ITGA8: variants seen among roughly 807,000 people sequenced by gnomAD.
ITGA8 encodes the protein integrin subunit alpha 8, also known as integrin alpha-8.
In ITGA8, 91 loss-of-function variants were observed where a neutral mutation model predicts 142.3. The ratio of observed to expected loss-of-function variants is 0.64; its 90% CI spans 0.54 to 0.76. ITGA8 has a LOEUF of 0.76. Among genes scored for constraint, ITGA8 ranks in the 30% least tolerant of loss-of-function variants. ITGA8 has a pLI of 0.00. For missense variants in ITGA8, 1,406 were observed against 1,327.7 expected (o/e 1.06, Z -0.92); for synonymous variants, 505 against 485.2 (o/e 1.04, Z -0.54).
intron 8 of ITGA8, among the ~76,000 whole-genome samples, chr10:15,664,993 T>C (rs1468248626): frequency 1.3e-5 from 2 of 152,222 alleles, no homozygotes; most frequent in African/African-American, 4.8e-5. Context: ...CATGTGTCTT[T>C]ATAGCAGCAT....
intron 14 of ITGA8, among the ~76,000 whole-genome samples, chr10:15,614,843 C>T (rs990097761): frequency 2.6e-5 from 4 of 152,068 alleles, no homozygotes; most frequent in Non-Finnish European, 5.9e-5. Context: ...CTTTCAATAC[C>T]GTGTTAGTTC....
intron 28 of ITGA8, among the ~76,000 whole-genome samples, chr10:15,521,417 C>T (rs1347222612): frequency 6.6e-6 from 1 of 152,130 alleles, no homozygotes; most frequent in Non-Finnish European, 1.5e-5. Context: ...GATCCGCATC[C>T]CCCATGCAGC....
intron 2 of ITGA8, among the ~76,000 whole-genome samples, chr10:15,695,153 C>A (rs969476051): frequency 1.3e-5 from 2 of 152,052 alleles, no homozygotes; most frequent in African/African-American, 2.4e-5. Context: ...GTCAACTGGG[C>A]AATTTGGCAG....
At chr10:15,616,885 C>T (rs1212180340) in intron 13 of ITGA8, among the ~76,000 whole-genome samples, 1 of 152,184 alleles carries the variant, frequency 6.6e-6, no homozygotes, top group Non-Finnish European at 1.5e-5. Context: ...GGAAAGTCAG[C>T]TGCTTAGTGT....
At chr10:15,719,042 C>A in intron 1 of ITGA8, 143 bp from the exon 2 acceptor site, 1 of 1,283,640 alleles carries the variant, frequency 7.8e-7, no homozygotes, top group East Asian at 2.5e-5. Flanking sequence ...GACTGTCAAA[C>A]TTGATTTCCT....
intron 27 of ITGA8, among the ~76,000 whole-genome samples, chr10:15,538,723 G>C (rs889782313): frequency 2.6e-5 from 4 of 151,924 alleles, no homozygotes; most frequent in African/African-American, 9.7e-5. Context: ...TTTTTGTTCA[G>C]TCTAAAGAAG....
chr10:15,548,412 T>C (rs749503125), intron 27 of ITGA8, 43 bp downstream of exon 27: 13 of 1,334,038 alleles, frequency 9.7e-6, no homozygotes, highest in Non-Finnish European at 1.4e-5. Context: ...GTGAAGCAGC[T>C]CCCAGTGAGC....
intron 25 of ITGA8, among the ~76,000 whole-genome samples, chr10:15,570,967 T>C (rs1262527761): frequency 2.0e-5 from 3 of 152,222 alleles, no homozygotes; most frequent in African/African-American, 7.2e-5. Flanking sequence ...ATTTAAATGT[T>C]ATACATTTGC....
intron 27 of ITGA8, among the ~76,000 whole-genome samples, chr10:15,531,602 T>C (rs1382096154): frequency 2.6e-5 from 4 of 152,140 alleles, no homozygotes; most frequent in Non-Finnish European, 5.9e-5. Context: ...TCTTATCAGA[T>C]GGACGGAAAT....
chr10:15,641,398 T>G (rs1170333691), intron 13 of ITGA8, among the ~76,000 whole-genome samples: 2 of 152,200 alleles, frequency 1.3e-5, no homozygotes, highest in Non-Finnish European at 2.9e-5. Flanking sequence ...GCCTGCAGCT[T>G]TCAATCAACT....
At chr10:15,662,688 C>G (rs998884202) in intron 8 of ITGA8, among the ~76,000 whole-genome samples, 10 of 152,090 alleles carry the variant, frequency 6.6e-5, no homozygotes, top group African/African-American at 2.4e-4. Context: ...GATCCTTGAC[C>G]TAGGAACACA....
At position 15,672,863 on chromosome 10, in the gene ITGA8, G is replaced by A. The variant is rs1235510724; in HGVS notation, c.677-114C>T. The A allele has an allele frequency of 4.3e-6, 5 of 1,169,940 alleles. No homozygotes were observed. The African/African-American group carries it at 6.4e-5, about 15-fold the overall frequency. 72.5% of individuals were successfully genotyped at this position (1,169,940 alleles called of 1,614,324 possible). A position where few individuals can be genotyped will look rare whatever the true frequency, so the allele number is the denominator to read the frequency against. On this transcript the variant is annotated intron_variant, in intron 6 of 29. Transcript: ENST00000378076. Reference sequence around the variant, plus strand: ...TGGAATTGCTTGCTTTTTTGATGATGAATTTTCCCGCCTGCCGCTCAAACT... The same window carrying A: ...TGGAATTGCTTGCTTTTTTGATGATAAATTTTCCCGCCTGCCGCTCAAACT...
intron 20 of ITGA8, among the ~76,000 whole-genome samples, chr10:15,598,187 C>A (rs1833040448): frequency 6.6e-6 from 1 of 152,108 alleles, no homozygotes. Flanking sequence ...TTATCCATCA[C>A]CTTTGTTCCA....
intron 9 of ITGA8, among the ~76,000 whole-genome samples, chr10:15,659,257 G>A (rs1834242225): frequency 6.6e-6 from 1 of 151,944 alleles, no homozygotes; most frequent in South Asian, 2.1e-4. Flanking sequence ...GTTAAGTCTG[G>A]GATGCTTTCA....
intron 22 of ITGA8, among the ~76,000 whole-genome samples, chr10:15,587,571 G>A (rs1487928623): frequency 2.6e-5 from 4 of 152,146 alleles, no homozygotes; most frequent in Non-Finnish European, 5.9e-5. Context: ...ACTAGGACAA[G>A]GAGTTGGAGG....
At chr10:15,670,085 T>C (rs1834482539) in intron 8 of ITGA8, among the ~76,000 whole-genome samples, 1 of 152,238 alleles carries the variant, frequency 6.6e-6, no homozygotes, top group Non-Finnish European at 1.5e-5. Context: ...TCGCTCATGC[T>C]GGGAGCTGTA....
At chr10:15,701,302 G>T (rs144431383) in intron 2 of ITGA8, among the ~76,000 whole-genome samples, 1 of 152,086 alleles carries the variant, frequency 6.6e-6, no homozygotes, top group South Asian at 2.1e-4. Context: ...TTTCTGAATC[G>T]TTTGAGCCTT....
At chr10:15,672,003 A>G (rs535108337) in intron 7 of ITGA8, among the ~76,000 whole-genome samples, 1 of 152,308 alleles carries the variant, frequency 6.6e-6, no homozygotes, top group East Asian at 1.9e-4. Context: ...ATTGAAAATA[A>G]TGAGACAGAA....
chr10:15,605,408 T>C, intron 19 of ITGA8, among the ~76,000 whole-genome samples: 1 of 151,988 alleles, frequency 6.6e-6, no homozygotes, highest in East Asian at 1.9e-4. Context: ...CTGAATCCTT[T>C]GTCTACTTGA....
Sources: gnomAD v4.1 joint callset for allele counts (sites outside exome capture counted in the v4.1 genomes callset) on GRCh38, gnomAD v4.1.1 for gene constraint, MANE v1.5 for transcripts, NCBI Gene and HGNC (gene_info 2026-07-23, HGNC 2026-07-21) for gene names.